The following TET3 variants were observed in gnomAD, a reference collection of about 807,000 sequenced individuals.
TET3 encodes the protein tet methylcytosine dioxygenase 3.
A neutral mutation model predicts 141.4 loss-of-function variants in TET3; 19 were observed. The observed-to-expected ratio is 0.13, with a 90% CI of 0.09 to 0.20. The LOEUF (loss-of-function observed/expected upper bound fraction) is 0.20. Among genes scored for constraint, TET3 ranks in the 10% least tolerant of loss-of-function variants. The pLI is 1.00. For synonymous variants in TET3, 1,043 were observed against 980.9 expected (o/e 1.06, Z -1.18); for missense variants, 1,874 against 2,356.9 (o/e 0.80, Z 4.24).
chr2:74,111,544 T>G (rs77935079), downstream of TET3, among the ~76,000 whole-genome samples: 1 of 152,216 alleles, frequency 6.6e-6, no homozygotes, highest in Non-Finnish European at 1.5e-5. Flanking sequence ...TGCACAACTC[T>G]GGGGAACACC....
chr2:74,092,579 C>G (rs981696134), intron 8 of TET3, among the ~76,000 whole-genome samples: 1 of 152,146 alleles, frequency 6.6e-6, no homozygotes. Flanking sequence ...CTCTGACCTA[C>G]GGTGTTCAGC....
intron 3 of TET3, among the ~76,000 whole-genome samples, chr2:74,021,422 C>T (rs1286716972): frequency 6.6e-6 from 1 of 152,270 alleles, no homozygotes; most frequent in African/African-American, 2.4e-5. Context: ...CTGCCACCTC[C>T]ATCCATGTTT....
intron 4 of TET3, among the ~76,000 whole-genome samples, chr2:74,050,267 C>G (rs1419530827): frequency 6.6e-6 from 1 of 152,192 alleles, no homozygotes; most frequent in Admixed American, 6.5e-5. Flanking sequence ...TCTGCTTCCT[C>G]ATATGTAGAA....
the TET3 span, among the ~76,000 whole-genome samples, chr2:74,114,967 G>C: frequency 6.8e-6 from 1 of 146,956 alleles, no homozygotes; most frequent in Non-Finnish European, 1.5e-5. Context: ...ATGGACCAAA[G>C]ACCTAAATGT....
chr2:74,074,932 C>T (rs1689416089), intron 5 of TET3, among the ~76,000 whole-genome samples: 1 of 151,930 alleles, frequency 6.6e-6, no homozygotes, highest in African/African-American at 2.4e-5. Flanking sequence ...AGTACAGTGG[C>T]ACAATCTCAG....
chr2:74,021,560 G>A (rs1322287061), intron 3 of TET3, among the ~76,000 whole-genome samples: 1 of 152,226 alleles, frequency 6.6e-6, no homozygotes, highest in Non-Finnish European at 1.5e-5. Flanking sequence ...TTCTGAACCA[G>A]CCGAGGCCTT....
intron 8 of TET3, 30 bp from the exon 9 acceptor site, chr2:74,092,872 C>G (rs549388665): frequency 1.3e-6 from 2 of 1,560,150 alleles, no homozygotes; most frequent in Non-Finnish European, 1.7e-6. Flanking sequence ...CGGGGCTGCT[C>G]TGGATGTGTG....
intron 3 of TET3, among the ~76,000 whole-genome samples, chr2:74,014,434 A>G (rs910691303): frequency 1.3e-5 from 2 of 152,064 alleles, no homozygotes; most frequent in African/African-American, 4.8e-5. Context: ...GTCCCTGTGC[A>G]TGGCTTGGTG....
intron 3 of TET3, among the ~76,000 whole-genome samples, chr2:74,035,097 G>C (rs2105310594): frequency 6.6e-6 from 1 of 151,722 alleles, no homozygotes; most frequent in South Asian, 2.1e-4. Flanking sequence ...AGCTATTCGG[G>C]AGGCTGAGGC....
the TET3 span, among the ~76,000 whole-genome samples, chr2:74,116,426 T>C: frequency 7.4e-4 from 113 of 152,188 alleles, no homozygotes; most frequent in Admixed American, 4.5e-3. Context: ...CTCATGCCTG[T>C]AATCCCAGCA....
chr2:74,102,457 CT>C lies in TET3; in HGVS notation c.*283del, dbSNP rs1691282053. The C allele has an allele frequency of 3.6e-6, 1 of 281,008 alleles. No homozygotes were observed. Among genetic ancestry groups the C allele is most frequent in the East Asian group, 6.5e-5 (1 of 15,498 alleles). The allele number at this position is 281,008 out of a possible 1,614,324, so 17.4% of individuals were successfully genotyped here. On this transcript the variant is annotated 3_prime_UTR_variant, in exon 12 of 12. Transcript: ENST00000409262. ...TTATATCTCCAAGTTGTCCCCCCCC[CT>C]TGTCTGGGGGGTTTTTATTTTTATT...
intron 2 of TET3, among the ~76,000 whole-genome samples, chr2:73,988,186 C>G (rs891529621): frequency 2.6e-4 from 40 of 152,132 alleles, no homozygotes; most frequent in Non-Finnish European, 1.0e-4. Context: ...CCCCATGGGT[C>G]GCTACTGAAA....
At position 74,107,400 on chromosome 2, in the gene TET3, T is replaced by C. The variant is rs1572917256; in HGVS notation, c.*5224T>C. The C allele has an allele frequency of 2.0e-5, 3 of 152,362 alleles. No homozygotes were observed. The highest frequency in any genetic ancestry group is 3.9e-4 in the East Asian group (2 of 5,192). 9.4% of individuals were successfully genotyped at this position (152,362 alleles called of 1,614,324 possible). On this transcript the variant is annotated 3_prime_UTR_variant, in exon 12 of 12. Coordinates refer to ENST00000409262, the MANE Select transcript of TET3 (RefSeq NM_001287491.2). ...GGGATGCTTTTTGTAGTGGTATTGT[T>C]TGCTCCCTCTTCGCGTTTTGACTAC...
At chr2:74,011,590 A>G (rs1399270984) in intron 3 of TET3, among the ~76,000 whole-genome samples, 1 of 151,626 alleles carries the variant, frequency 6.6e-6, no homozygotes, top group Non-Finnish European at 1.5e-5. Flanking sequence ...CCCCGGTGTC[A>G]CTCTCTCCCT....
chr2:74,082,924 T>C (rs1689914285), intron 6 of TET3, among the ~76,000 whole-genome samples: 1 of 152,158 alleles, frequency 6.6e-6, no homozygotes, highest in African/African-American at 2.4e-5. Flanking sequence ...ATCCAGTGTC[T>C]CCTGTGCATG....
the TET3 span, among the ~76,000 whole-genome samples, chr2:74,120,030 G>T: frequency 2.0e-5 from 3 of 152,234 alleles, no homozygotes; most frequent in African/African-American, 7.2e-5. Flanking sequence ...CAGCAGGAAA[G>T]ACGTACTAGT....
chr2:74,089,756 G>A (rs959272235), intron 7 of TET3, 141 bp from the exon 8 acceptor site: 2 of 1,114,390 alleles, frequency 1.8e-6, no homozygotes, highest in South Asian at 1.5e-5. Flanking sequence ...GAAAGGGGTT[G>A]GGGGTGGGGA....
At position 74,104,495 on chromosome 2, in the gene TET3, G is replaced by A. The variant is rs567654976; in HGVS notation, c.*2319G>A. The A allele has an allele frequency of 2.6e-5, 4 of 152,256 alleles. No homozygotes were observed. Among genetic ancestry groups the A allele is most frequent in the African/African-American group, 9.6e-5 (4 of 41,526 alleles). 9.4% of individuals were successfully genotyped at this position (152,256 alleles called of 1,614,324 possible). ...TTTTATGCAGGTCTCATTTGACTCC[G>A]TGCTTAGGTAGATGCGGGGGTGCCT... On this transcript the variant is annotated 3_prime_UTR_variant, in exon 12 of 12. Coordinates refer to ENST00000409262, the MANE Select transcript of TET3 (RefSeq NM_001287491.2).
downstream of TET3, among the ~76,000 whole-genome samples, chr2:74,111,877 G>A (rs1214159397): frequency 6.6e-6 from 1 of 152,156 alleles, no homozygotes. Flanking sequence ...TCACTGGTGG[G>A]AATCTACCTA....
Sources: gnomAD v4.1 joint callset for allele counts (sites outside exome capture counted in the v4.1 genomes callset) on GRCh38, gnomAD v4.1.1 for gene constraint, MANE v1.5 for transcripts, NCBI Gene and HGNC (gene_info 2026-07-23, HGNC 2026-07-21) for gene names.